The following SLCO3A1 variants were observed in gnomAD, a reference collection of about 807,000 sequenced individuals.
SLCO3A1 encodes the protein solute carrier organic anion transporter family member 3A1, also known as PGE1 transporter.
A neutral mutation model predicts 63.1 loss-of-function variants in SLCO3A1; 27 were observed. That is an observed-to-expected ratio of 0.43 (90% confidence interval 0.32 to 0.59). SLCO3A1 has a LOEUF of 0.59. SLCO3A1 is among the 20% of genes least tolerant of loss of function. The pLI is 0.09. For missense variants in SLCO3A1, 773 were observed against 945.8 expected (o/e 0.82, Z 2.40); for synonymous variants, 473 against 409.9 (o/e 1.15, Z -1.86).
intron 5 of SLCO3A1, 146 bp downstream of exon 5, chr15:92,120,775 A>G (rs2047854207): frequency 1.5e-6 from 1 of 647,436 alleles, no homozygotes; most frequent in Non-Finnish European, 2.7e-6. Context: ...TGCACAAGGA[A>G]TTTAAAGTAT....
chr15:92,060,508 T>C (rs2047074141), intron 2 of SLCO3A1, among the ~76,000 whole-genome samples: 2 of 151,854 alleles, frequency 1.3e-5, no homozygotes, highest in African/African-American at 4.8e-5. Context: ...AGCCGAGTTT[T>C]TTTTTTTTGG....
At chr15:92,126,795 G>A (rs1454165707) in intron 6 of SLCO3A1, among the ~76,000 whole-genome samples, 1 of 152,120 alleles carries the variant, frequency 6.6e-6, no homozygotes, top group Admixed American at 6.5e-5. Context: ...CAAGACTTGG[G>A]ACTAGAGTCC....
intron 1 of SLCO3A1, among the ~76,000 whole-genome samples, chr15:91,906,696 C>G (rs1898318495): frequency 6.6e-6 from 1 of 152,186 alleles, no homozygotes; most frequent in Non-Finnish European, 1.5e-5. Flanking sequence ...TAAAAGAGCC[C>G]TGGCACCACA....
intron 2 of SLCO3A1, among the ~76,000 whole-genome samples, chr15:91,917,497 A>G (rs1054030775): frequency 1.3e-5 from 2 of 152,146 alleles, no homozygotes; most frequent in African/African-American, 4.8e-5. Context: ...TTTCTGGCCC[A>G]GCTTTGGAGT....
intron 2 of SLCO3A1, among the ~76,000 whole-genome samples, chr15:92,043,001 G>T (rs2082975129): frequency 6.6e-6 from 1 of 152,118 alleles, no homozygotes; most frequent in Non-Finnish European, 1.5e-5. Context: ...ACAAGGATGG[G>T]CTCTTCTGGG....
intron 2 of SLCO3A1, among the ~76,000 whole-genome samples, chr15:92,019,280 T>C (rs2046477303): frequency 6.6e-6 from 1 of 152,168 alleles, no homozygotes; most frequent in African/African-American, 2.4e-5. Context: ...TGGATTATGT[T>C]TGATGTGTTT....
intron 6 of SLCO3A1, among the ~76,000 whole-genome samples, chr15:92,126,695 T>C (rs2047928523): frequency 1.3e-5 from 2 of 152,074 alleles, no homozygotes; most frequent in Non-Finnish European, 2.9e-5. Context: ...TTCTTAAGTG[T>C]AGCGAGGGAA....
intron 2 of SLCO3A1, among the ~76,000 whole-genome samples, chr15:92,049,442 C>G (rs1399221712): frequency 6.6e-6 from 1 of 152,170 alleles, no homozygotes; most frequent in Non-Finnish European, 1.5e-5. Context: ...CAAGCTCTTG[C>G]AACTGACCCT....
intron 2 of SLCO3A1, among the ~76,000 whole-genome samples, chr15:91,965,894 C>T (rs1489735245): frequency 6.6e-6 from 1 of 152,136 alleles, no homozygotes; most frequent in African/African-American, 2.4e-5. Flanking sequence ...ACATTGATTC[C>T]AGCTCCTTGC....
chr15:92,024,507 G>A (rs8029024), intron 2 of SLCO3A1, among the ~76,000 whole-genome samples: 2,623 of 152,260 alleles, frequency 0.017, 75 homozygotes, highest in African/African-American at 0.06. Flanking sequence ...ATGTATTGAC[G>A]TGTTTGTGTG....
At chr15:92,101,137 T>C (rs1274443059) in intron 3 of SLCO3A1, among the ~76,000 whole-genome samples, 1 of 152,170 alleles carries the variant, frequency 6.6e-6, no homozygotes, top group Non-Finnish European at 1.5e-5. Context: ...TGAAACAGTG[T>C]CTGTAGAGCA....
At chr15:92,150,819 A>G (rs1381507490) in intron 8 of SLCO3A1, 131 bp from the exon 9 acceptor site, 2 of 565,734 alleles carry the variant, frequency 3.5e-6, no homozygotes, top group Non-Finnish European at 6.1e-6. Context: ...TAGTAATTTT[A>G]AAAAAGACAC....
chr15:91,941,653 A>G lies in SLCO3A1; in HGVS notation c.646+25195A>G, dbSNP rs1899626257. On this transcript the variant is annotated intron_variant, in intron 2 of 9. Transcript: ENST00000318445. The surrounding 1 kb of genome is among the most constrained non-coding windows in gnomAD (Gnocchi z 4.4). ...TCCCATGGGTTTTGTACTTTTTCTTACTCGGGATGTTTGTTTCTCTTTGTC... is the reference window on the plus strand; with the variant it reads ...TCCCATGGGTTTTGTACTTTTTCTTGCTCGGGATGTTTGTTTCTCTTTGTC... 1 of 393,966 alleles carries G rather than the reference A, an allele frequency of 2.5e-6. No homozygotes were observed. The highest frequency in any genetic ancestry group is 2.1e-5 in the African/African-American group (1 of 46,652). 24.4% of individuals were successfully genotyped at this position (393,966 alleles called of 1,614,324 possible).
At chr15:91,985,625 T>C (rs1427261303) in intron 2 of SLCO3A1, among the ~76,000 whole-genome samples, 2 of 152,218 alleles carry the variant, frequency 1.3e-5, no homozygotes, top group Admixed American at 6.5e-5. Context: ...TCTTTTTAGC[T>C]TTAGCTGTTC....
intron 2 of SLCO3A1, among the ~76,000 whole-genome samples, chr15:92,048,775 G>C (rs1490695764): frequency 6.6e-6 from 1 of 152,160 alleles, no homozygotes; most frequent in Non-Finnish European, 1.5e-5. Context: ...GCGGGCACCT[G>C]TAATCCCAGC....
intron 2 of SLCO3A1, among the ~76,000 whole-genome samples, chr15:92,014,627 G>A (rs1188446196): frequency 5.3e-5 from 8 of 152,042 alleles, no homozygotes; most frequent in Non-Finnish European, 1.0e-4. Context: ...TCCTCCACTT[G>A]TCCACTAAAA....
chr15:92,079,432 T>C lies in SLCO3A1; in HGVS notation c.647-15449T>C, dbSNP rs374533062. 2.5e-3 allele frequency among the ~76,000 whole-genome samples: 379 copies of C among 152,334 alleles called. 4 individuals carry two copies. Among genetic ancestry groups the C allele is most frequent in the African/African-American group, 8.2e-3 (339 of 41,582 alleles). On this transcript the variant is annotated intron_variant, in intron 2 of 9. Transcript: ENST00000318445. Reference sequence around the variant, plus strand: ...ATGGTAGTGTTGGCCATGGGTCTCTTAAGAACTCTCTCCTTGGCCAGCAGA... The same window carrying C: ...ATGGTAGTGTTGGCCATGGGTCTCTCAAGAACTCTCTCCTTGGCCAGCAGA...
At chr15:92,122,968 G>T (rs566984132) in intron 5 of SLCO3A1, among the ~76,000 whole-genome samples, 1 of 152,264 alleles carries the variant, frequency 6.6e-6, no homozygotes, top group South Asian at 2.1e-4. Context: ...GTTACCTTTG[G>T]GGGAAGCTAA....
intron 1 of SLCO3A1, among the ~76,000 whole-genome samples, chr15:91,878,360 G>A (rs570259654): frequency 1.1e-4 from 16 of 152,250 alleles, no homozygotes; most frequent in Non-Finnish European, 1.9e-4. Context: ...GATTACAGGC[G>A]TGAGCCACTG....
Sources: gnomAD v4.1 joint callset for allele counts (sites outside exome capture counted in the v4.1 genomes callset) on GRCh38, gnomAD v4.1.1 for gene constraint, Gnocchi (gnomAD v3.1) non-coding constraint, MANE v1.5 for transcripts, NCBI Gene and HGNC (gene_info 2026-07-23, HGNC 2026-07-21) for gene names.